PTPRM: variants seen among roughly 807,000 people sequenced by gnomAD.
PTPRM encodes the protein receptor-type tyrosine-protein phosphatase mu.
PTPRM carries 47 observed loss-of-function variants against 186.7 expected under a neutral mutation model. The observed-to-expected ratio is 0.25, with a 90% CI of 0.20 to 0.32. PTPRM has a LOEUF of 0.32. Ranked by LOEUF, PTPRM falls within the 10% of genes least tolerant of loss-of-function variation. The pLI is 1.00. For missense variants in PTPRM, 1,494 were observed against 1,865.0 expected, an observed-to-expected ratio of 0.80 and a Z score of 3.66; for synonymous variants, 668 against 674.9, an observed-to-expected ratio of 0.99 and a Z score of 0.16.
chr18:8,198,337 C>G (rs1046065788), intron 14 of PTPRM, among the ~76,000 whole-genome samples: 1 of 152,026 alleles, frequency 6.6e-6, no homozygotes, highest in African/African-American at 2.4e-5. Context: ...TTTGTAGAGA[C>G]AGGGTTTTGC....
intron 1 of PTPRM, among the ~76,000 whole-genome samples, chr18:7,708,537 C>A (rs1245395405): frequency 6.6e-6 from 1 of 152,114 alleles, no homozygotes; most frequent in Non-Finnish European, 1.5e-5. Flanking sequence ...TTCACCTGAA[C>A]ATTTTTACAA....
At chr18:7,690,336 CTG>C (rs1177943477) in intron 1 of PTPRM, among the ~76,000 whole-genome samples, 3 of 152,204 alleles carry the variant, frequency 2.0e-5, no homozygotes, top group African/African-American at 4.8e-5. Context: ...GTGTTTTAAA[CTG>C]TAGTTAGGTT....
intron 1 of PTPRM, among the ~76,000 whole-genome samples, chr18:7,736,012 A>C (rs1211273090): frequency 6.6e-5 from 10 of 152,146 alleles, no homozygotes; most frequent in Non-Finnish European, 1.5e-5. Flanking sequence ...TCTCCATAAA[A>C]TATGTAAAAC....
At chr18:7,857,006 C>T (rs879791650) in intron 2 of PTPRM, among the ~76,000 whole-genome samples, 6 of 152,214 alleles carry the variant, frequency 3.9e-5, no homozygotes, top group South Asian at 4.1e-4. Flanking sequence ...CCTGTGGCTT[C>T]AGAATGCTTT....
chr18:7,817,959 C>T (rs1006923080), intron 2 of PTPRM, among the ~76,000 whole-genome samples: 7 of 152,140 alleles, frequency 4.6e-5, no homozygotes, highest in African/African-American at 1.4e-4. Flanking sequence ...AAGAAAGCTC[C>T]GCAAGGCAGA....
At chr18:8,114,871 A>G (rs1244799714) in intron 13 of PTPRM, 44 bp downstream of exon 13, 9 of 1,551,748 alleles carry the variant, frequency 5.8e-6, no homozygotes, top group East Asian at 2.3e-5. Context: ...ATGTTCCTTA[A>G]AAGTTTATTT....
chr18:8,402,224 A>G (rs1002101890), intron 32 of PTPRM, among the ~76,000 whole-genome samples: 39 of 152,310 alleles, frequency 2.6e-4, no homozygotes, highest in Non-Finnish European at 4.3e-4. Context: ...AGGGGACACA[A>G]CAATTTGTGG....
At chr18:8,371,605 T>C (rs2095663054) in intron 24 of PTPRM, among the ~76,000 whole-genome samples, 1 of 152,214 alleles carries the variant, frequency 6.6e-6, no homozygotes, top group Non-Finnish European at 1.5e-5. Context: ...CCATACTGGT[T>C]TTCCCCTTTT....
At chr18:7,876,548 G>C (rs1332155433) in intron 2 of PTPRM, among the ~76,000 whole-genome samples, 2 of 152,110 alleles carry the variant, frequency 1.3e-5, no homozygotes, top group African/African-American at 4.8e-5. Context: ...GATCTTGGCT[G>C]GGTTCACTTT....
chr18:8,159,861 TA>T lies in PTPRM; in HGVS notation c.2300+16092del, dbSNP rs911459144. 4.6e-5 allele frequency among the ~76,000 whole-genome samples: 7 copies of T among 150,954 alleles called. No homozygotes were observed. The South Asian group carries it at 6.3e-4, about 14-fold the overall frequency. On this transcript the variant is annotated intron_variant, in intron 14 of 32. Coordinates refer to ENST00000580170, the MANE Select transcript of PTPRM (RefSeq NM_001105244.2). ...CTGGACTTTGAACAGCTTTGCTTTT[TA>T]AAAAAAAAATTTCAGGGATGTAAGT...
intron 13 of PTPRM, among the ~76,000 whole-genome samples, chr18:8,133,526 A>G (rs2092565210): frequency 6.6e-6 from 1 of 152,178 alleles, no homozygotes; most frequent in Admixed American, 6.6e-5. Context: ...CTAGGAGTTC[A>G]GCAGGAGAGA....
rs535985216 is a variant in PTPRM at position 8,176,946 on chromosome 18, T to C, written c.2300+33167T>C. Among the ~76,000 whole-genome samples, 28 of 152,354 alleles carry C rather than the reference T, an allele frequency of 1.8e-4. No individual in the cohort carries two copies. In the South Asian group the frequency reaches 5.6e-3, roughly 30 times the overall value. ...GGATCAGATTGAGCAGAAATACATC[T>C]GCTTCTTTTCTATCTTGTCTTTTGA... On this transcript the variant is annotated intron_variant, in intron 14 of 32. Transcript: ENST00000580170.
chr18:7,786,642 T>C (rs946114215), intron 2 of PTPRM, among the ~76,000 whole-genome samples: 5 of 151,298 alleles, frequency 3.3e-5, no homozygotes, highest in African/African-American at 1.2e-4. Flanking sequence ...TGCCTTCTCA[T>C]GACACATCTT....
At chr18:8,214,065 C>T (rs1041848938) in intron 14 of PTPRM, among the ~76,000 whole-genome samples, 4 of 151,988 alleles carry the variant, frequency 2.6e-5, no homozygotes, top group African/African-American at 9.7e-5. Context: ...GCTATGGGTA[C>T]GCAAAAGCAG....
chr18:7,898,927 T>G (rs2049513670), intron 3 of PTPRM, among the ~76,000 whole-genome samples: 2 of 152,338 alleles, frequency 1.3e-5, no homozygotes, highest in South Asian at 2.1e-4. Flanking sequence ...CCTGTGAGCC[T>G]TTGGTCACAA....
At chr18:8,284,705 A>G (rs2094937812) in intron 19 of PTPRM, among the ~76,000 whole-genome samples, 1 of 152,144 alleles carries the variant, frequency 6.6e-6, no homozygotes, top group Non-Finnish European at 1.5e-5. Flanking sequence ...TTACGATTGC[A>G]CCACTGCCCT....
At chr18:7,783,579 A>G (rs1029182393) in intron 2 of PTPRM, among the ~76,000 whole-genome samples, 4 of 151,770 alleles carry the variant, frequency 2.6e-5, no homozygotes, top group Admixed American at 1.3e-4. Flanking sequence ...TTATTTATTT[A>G]TTTGTTTTTA....
intron 2 of PTPRM, among the ~76,000 whole-genome samples, chr18:7,803,737 T>C (rs1432160778): frequency 6.6e-6 from 1 of 152,122 alleles, no homozygotes; most frequent in Non-Finnish European, 1.5e-5. Flanking sequence ...TGAGGGGCTG[T>C]TAAAGAATGA....
At chr18:7,586,820 C>G (rs1362039033) in intron 1 of PTPRM, among the ~76,000 whole-genome samples, 2 of 152,130 alleles carry the variant, frequency 1.3e-5, no homozygotes, top group Non-Finnish European at 2.9e-5. Flanking sequence ...TTTTAAAATA[C>G]AACTTGTACA....
Sources: allele counts gnomAD v4.1 joint callset (sites outside exome capture counted in the v4.1 genomes callset), GRCh38; gene constraint gnomAD v4.1.1; transcripts MANE v1.5; gene names NCBI Gene and HGNC (gene_info 2026-07-23, HGNC 2026-07-21).